Variants in PTPRD observed in about 807,000 individuals in gnomAD.
The protein encoded by PTPRD is protein tyrosine phosphatase receptor type D.
PTPRD carries 34 observed loss-of-function variants against 214.5 expected under a neutral mutation model. That is an observed-to-expected ratio of 0.16 (90% CI 0.12 to 0.21). The LOEUF is 0.21. Among genes scored for constraint, PTPRD ranks in the 10% least tolerant of loss-of-function variants. The pLI is 1.00. For synonymous variants in PTPRD, 1,128 were observed against 845.7 expected (o/e 1.33, Z -5.79); for missense variants, 2,545 against 2,398.7 (o/e 1.06, Z -1.27).
chr9:8,382,642 G>A (rs995883123), intron 37 of PTPRD, among the ~76,000 whole-genome samples: 5 of 152,172 alleles, frequency 3.3e-5, no homozygotes, highest in Admixed American at 1.3e-4. Flanking sequence ...AACCAAAAGT[G>A]TAGAACTTTC....
At chr9:9,218,384 T>C (rs980549267) in intron 9 of PTPRD, among the ~76,000 whole-genome samples, 9 of 152,172 alleles carry the variant, frequency 5.9e-5, no homozygotes, top group Admixed American at 5.9e-4. Flanking sequence ...AAAACAAGAC[T>C]AGTGGCCATT....
At chr9:8,818,720 C>T (rs577736990) in intron 11 of PTPRD, among the ~76,000 whole-genome samples, 12 of 152,318 alleles carry the variant, frequency 7.9e-5, no homozygotes, top group South Asian at 6.2e-4. Context: ...CTGCTTCTTA[C>T]GCACATATTT....
At chr9:9,264,919 C>T (rs907772192) in intron 9 of PTPRD, among the ~76,000 whole-genome samples, 2 of 149,370 alleles carry the variant, frequency 1.3e-5, no homozygotes, top group East Asian at 2.0e-4. Flanking sequence ...AAAACCCTAC[C>T]AACCAAGAAT....
intron 7 of PTPRD, among the ~76,000 whole-genome samples, chr9:9,602,144 A>C (rs2154338272): frequency 6.6e-6 from 1 of 152,210 alleles, no homozygotes; most frequent in East Asian, 1.9e-4. Flanking sequence ...TGTTCACTTC[A>C]TTCCTATTAC....
chr9:10,368,390 G>A (rs775702599), intron 2 of PTPRD, among the ~76,000 whole-genome samples: 5 of 152,030 alleles, frequency 3.3e-5, no homozygotes, highest in African/African-American at 4.8e-5. Context: ...CACCTTACTT[G>A]TCCTTCTATT....
intron 3 of PTPRD, among the ~76,000 whole-genome samples, chr9:10,045,325 A>T (rs1439852621): frequency 1.3e-5 from 2 of 151,784 alleles, no homozygotes; most frequent in African/African-American, 4.8e-5. Flanking sequence ...TACATATTAG[A>T]ACAGTGACAT....
intron 3 of PTPRD, among the ~76,000 whole-genome samples, chr9:10,047,088 C>A (rs1192201100): frequency 6.6e-6 from 1 of 151,792 alleles, no homozygotes; most frequent in Non-Finnish European, 1.5e-5. Flanking sequence ...TTTTAAGAGT[C>A]AGCTCACCTA....
intron 2 of PTPRD, among the ~76,000 whole-genome samples, chr9:10,562,605 C>G (rs1406951710): frequency 2.0e-5 from 3 of 151,990 alleles, no homozygotes; most frequent in Non-Finnish European, 2.9e-5. Context: ...CATGAATGTA[C>G]TTTCAGAAAG....
rs184227504 is a variant in PTPRD at position 10,406,885 on chromosome 9, G to C, written c.-599-65868C>G. Among the ~76,000 whole-genome samples, 11 of 151,630 alleles carry C rather than the reference G, an allele frequency of 7.3e-5. No homozygotes were observed. The East Asian group carries it at 2.2e-3, about 30-fold the overall frequency. The stretch of plus-strand genomic sequence containing the variant: ...CAGGATCCCTGTGGTGAGTGGAAAT[G>C]GCAACAGACAGGAGCAATCACCTAT... On this transcript the variant is annotated intron_variant, in intron 2 of 45. Coordinates refer to ENST00000381196, the MANE Select transcript of PTPRD (RefSeq NM_002839.4).
chr9:9,956,602 G>A lies in PTPRD; in HGVS notation c.-471-17992C>T, dbSNP rs149057168. Among the ~76,000 whole-genome samples the A allele has an allele frequency of 4.5e-3, 686 of 152,156 alleles. 3 individuals carry two copies. The highest frequency in any genetic ancestry group is 0.015 in the African/African-American group (638 of 41,500). ...ATCATTTTGTCACACATTTAATCTAGTATTAAATACTTATTCTTCACAAAT... is the reference window on the plus strand; with the variant it reads ...ATCATTTTGTCACACATTTAATCTAATATTAAATACTTATTCTTCACAAAT... On this transcript the variant is annotated intron_variant, in intron 4 of 45. Coordinates refer to ENST00000381196, the MANE Select transcript of PTPRD (RefSeq NM_002839.4).
intron 44 of PTPRD, among the ~76,000 whole-genome samples, chr9:8,329,954 T>TCAA (rs2131464166): frequency 1.8e-5 from 1 of 55,100 alleles, no homozygotes; most frequent in African/African-American, 5.3e-4. Flanking sequence ...CTGGGCTCTG[T>TCAA]GGGAGTGGAT....
chr9:9,540,420 G>C (rs1466318176), intron 8 of PTPRD, among the ~76,000 whole-genome samples: 1 of 151,794 alleles, frequency 6.6e-6, no homozygotes, highest in Admixed American at 6.6e-5. Flanking sequence ...CATCTTTACA[G>C]ACAGATTACA....
chr9:8,744,015 C>T (rs1004999155), intron 11 of PTPRD, among the ~76,000 whole-genome samples: 1 of 151,686 alleles, frequency 6.6e-6, no homozygotes, highest in Admixed American at 6.6e-5. Flanking sequence ...TACAAATGGC[C>T]AACAAGCATA....
chr9:10,288,162 G>C (rs556219995), intron 3 of PTPRD, among the ~76,000 whole-genome samples: 7 of 96,458 alleles, frequency 7.3e-5, no homozygotes, highest in Middle Eastern at 8.5e-3. Context: ...AATTGGGGGT[G>C]GGGGGTGGGT....
chr9:8,769,879 C>T (rs1462928339), intron 11 of PTPRD, among the ~76,000 whole-genome samples: 5 of 151,572 alleles, frequency 3.3e-5, no homozygotes, highest in African/African-American at 1.2e-4. Context: ...TAATTGCAAG[C>T]TGGTAGATAC....
rs187776598 is a variant in PTPRD at position 9,548,355 on chromosome 9, G to A, written c.-237+26377C>T. Among the ~76,000 whole-genome samples, 135 of 150,244 alleles carry A rather than the reference G, an allele frequency of 9.0e-4. 1 individual carries two copies. Among genetic ancestry groups the A allele is most frequent in the Admixed American group, 8.4e-3 (126 of 15,068 alleles). On this transcript the variant is annotated intron_variant, in intron 8 of 45. Transcript: ENST00000381196. Reference sequence around the variant, plus strand: ...ATTAAAGGGCAAAGATTGCCAGAGTGTATGACAGAGCTTGATTCAATTACT... The same window carrying A: ...ATTAAAGGGCAAAGATTGCCAGAGTATATGACAGAGCTTGATTCAATTACT...
chr9:9,641,958 A>G (rs2095974125), intron 7 of PTPRD, among the ~76,000 whole-genome samples: 1 of 152,056 alleles, frequency 6.6e-6, no homozygotes, highest in Non-Finnish European at 1.5e-5. Context: ...ATAAAGACAC[A>G]TGCACACGTA....
chr9:10,071,739 A>C (rs1336047073), intron 3 of PTPRD, among the ~76,000 whole-genome samples: 4 of 152,022 alleles, frequency 2.6e-5, no homozygotes, highest in Non-Finnish European at 5.9e-5. Context: ...TTTAGGTATA[A>C]CACCATAAGA....
At chr9:8,405,113 T>C (rs1032933660) in intron 35 of PTPRD, among the ~76,000 whole-genome samples, 2 of 152,202 alleles carry the variant, frequency 1.3e-5, no homozygotes, top group Admixed American at 6.5e-5. Flanking sequence ...ACACAGGCTT[T>C]ACTGTTCATT....
Sources: allele counts gnomAD v4.1 joint callset (sites outside exome capture counted in the v4.1 genomes callset), GRCh38; gene constraint gnomAD v4.1.1; transcripts MANE v1.5; gene names NCBI Gene and HGNC (gene_info 2026-07-23, HGNC 2026-07-21).